SPAG1: variants seen among roughly 807,000 people sequenced by gnomAD.
SPAG1 encodes sperm-associated antigen 1.
A neutral mutation model predicts 100.5 loss-of-function variants in SPAG1; 69 were observed. The ratio of observed to expected loss-of-function variants is 0.69; its 90% CI spans 0.57 to 0.84. The LOEUF is 0.84. Ranked by LOEUF, SPAG1 falls within the 40% of genes least tolerant of loss-of-function variation. The probability of loss-of-function intolerance (pLI) is 0.00; values close to 1 mark genes in which losing one functional copy is unlikely to be tolerated. For missense variants in SPAG1, 955 were observed against 1,133.1 expected, an observed-to-expected ratio of 0.84 and a Z score of 2.26; for synonymous variants, 336 against 411.6, an observed-to-expected ratio of 0.82 and a Z score of 2.22.
At chr8:100,186,932 AC>A (rs1232360143) in intron 7 of SPAG1, among the ~76,000 whole-genome samples, 187 bp from the exon 8 acceptor site, 2 of 152,140 alleles carry the variant, frequency 1.3e-5, no homozygotes, top group Non-Finnish European at 2.9e-5. Flanking sequence ...CTTTTTAAAG[AC>A]CCTATCTCCA....
chr8:100,210,908 ACCTCCACCTC>A (rs1482074333), intron 10 of SPAG1, among the ~76,000 whole-genome samples: 3 of 150,404 alleles, frequency 2.0e-5, no homozygotes, highest in Non-Finnish European at 3.0e-5. Flanking sequence ...GCTCACTGCA[ACCTCCACCTC>A]CCGGGGTCCA....
intron 4 of SPAG1, among the ~76,000 whole-genome samples, chr8:100,181,947 T>C (rs1012811148): frequency 6.6e-6 from 1 of 152,222 alleles, no homozygotes; most frequent in African/African-American, 2.4e-5. Flanking sequence ...AGTTCAAGCA[T>C]CAAATGATAC....
At chr8:100,164,250 A>G (rs1815445419) in intron 2 of SPAG1, among the ~76,000 whole-genome samples, 1 of 152,172 alleles carries the variant, frequency 6.6e-6, no homozygotes, top group African/African-American at 2.4e-5. Flanking sequence ...GCTAGTCTCT[A>G]ATATTGAATT....
chr8:100,187,255 A>G lies in SPAG1; in HGVS notation c.832+5A>G, dbSNP rs763309080. ...TAGAACCTGGAAACGTAAAGGGTAAAAAATATTATAGAATTCTTTTACATT... is the reference window on the plus strand; with the variant it reads ...TAGAACCTGGAAACGTAAAGGGTAAGAAATATTATAGAATTCTTTTACATT... On this transcript the variant is annotated splice_donor_5th_base_variant and intron_variant, in intron 8 of 18. Coordinates refer to ENST00000388798, the MANE Select transcript of SPAG1 (RefSeq NM_003114.5). 1.9e-6 allele frequency: 3 copies of G among 1,599,944 alleles called. No homozygotes were observed. The highest frequency in any genetic ancestry group is 2.6e-6 in the Non-Finnish European group (3 of 1,172,890).
chr8:100,218,784 C>G (rs904719410), intron 12 of SPAG1, among the ~76,000 whole-genome samples: 1 of 152,164 alleles, frequency 6.6e-6, no homozygotes, highest in Non-Finnish European at 1.5e-5. Context: ...CTATGATATG[C>G]CAGAAGGGCT....
intron 2 of SPAG1, 54 bp from the exon 3 acceptor site, chr8:100,165,760 C>T: frequency 6.7e-7 from 1 of 1,489,112 alleles, no homozygotes. Context: ...AACCGCTGGT[C>T]TAGATGATCC....
Position 100,213,868 on chromosome 8 carries a change from A to G in SPAG1, c.1485A>G (p.Ala495=). Residue 495 remains alanine, a synonymous_variant, in exon 12 of 19, where the codon GCA becomes GCG. Coordinates refer to ENST00000388798, the MANE Select transcript of SPAG1 (RefSeq NM_003114.5). ...GTATCTTATATTCAAATAGAGCAGC[A>G]TGTTACCTAAAAGAAGGAAACTGCA... ...DLSILYSNRA[A]CYLKEGNCSG... 1 of 1,606,432 alleles carries G rather than the reference A, an allele frequency of 6.2e-7. No individual in the cohort carries two copies. The highest frequency in any genetic ancestry group is 8.5e-7 in the Non-Finnish European group (1 of 1,174,400).
At position 100,213,092 on chromosome 8, in the gene SPAG1, C is replaced by G; in HGVS notation, c.1099C>G (p.Pro367Ala). 6.8e-7 allele frequency: 1 copy of G among 1,469,738 alleles called. No homozygotes were observed. Among genetic ancestry groups the G allele is most frequent in the South Asian group, 1.3e-5 (1 of 78,354 alleles). 91.0% of individuals were successfully genotyped at this position (1,469,738 alleles called of 1,614,324 possible). A position where few individuals can be genotyped will look rare whatever the true frequency, so the allele number is the denominator to read the frequency against. ...TTCCCGCATCCACTTCCTCACAGAG[C>G]CCGCGGAGCCGGCGGGAGCCGCGCG... Reference protein sequence around the residue: ...KHEDGGGDKKPAEPAGAARAA... With the variant: ...KHEDGGGDKKAAEPAGAARAA... Residue 367 changes from proline (P) to alanine (A), a missense_variant and splice_region_variant, in exon 11 of 19, where the codon CCC becomes GCC. Physicochemically the swap from Pro to Ala is conservative, Grantham distance 27. Coordinates refer to ENST00000388798, the MANE Select transcript of SPAG1 (RefSeq NM_003114.5).
chr8:100,232,645 G>A (rs746198167), intron 15 of SPAG1, among the ~76,000 whole-genome samples: 11 of 152,066 alleles, frequency 7.2e-5, no homozygotes, highest in Non-Finnish European at 1.2e-4. Flanking sequence ...CCTCCTAAAT[G>A]TCTGCAGCAC....
intron 5 of SPAG1, among the ~76,000 whole-genome samples, 155 bp downstream of exon 5, chr8:100,183,591 T>G (rs1487998063): frequency 6.6e-6 from 1 of 152,116 alleles, no homozygotes; most frequent in East Asian, 1.9e-4. Context: ...GCCTCAGCAC[T>G]TTTGATGTTT....
At chr8:100,183,000 GTTTCTCTT>G (rs1816429063) in intron 4 of SPAG1, among the ~76,000 whole-genome samples, 1 of 151,652 alleles carries the variant, frequency 6.6e-6, no homozygotes, top group Non-Finnish European at 1.5e-5. Flanking sequence ...TTTTGAGACA[GTTTCTCTT>G]TGTCACCCAG....
intron 10 of SPAG1, among the ~76,000 whole-genome samples, chr8:100,200,507 T>C (rs1269087982): frequency 6.6e-6 from 1 of 152,240 alleles, no homozygotes; most frequent in Non-Finnish European, 1.5e-5. Context: ...TTCTAGATCC[T>C]TGAGGAATCG....
Position 100,164,991 on chromosome 8 carries a change from C to G in SPAG1, c.141-823C>G, listed in dbSNP as rs894922027. ...GGAGAATCCATTCACCCCAAATGAA[C>G]TACCTGTTTGTGTGTGAGGTAGCAA... On this transcript the variant is annotated intron_variant, in intron 2 of 18. Transcript: ENST00000388798. Among the ~76,000 whole-genome samples the G allele has an allele frequency of 4.6e-5, 7 of 152,206 alleles. No homozygotes were observed. The East Asian group carries it at 1.2e-3, about 25-fold the overall frequency.
intron 6 of SPAG1, among the ~76,000 whole-genome samples, 163 bp from the exon 7 acceptor site, chr8:100,184,465 A>G (rs1220074533): frequency 6.6e-6 from 1 of 152,220 alleles, no homozygotes; most frequent in Non-Finnish European, 1.5e-5. Flanking sequence ...AATGATTTAA[A>G]AAGAAAACAT....
At chr8:100,180,104 G>C (rs1263604836) in intron 4 of SPAG1, among the ~76,000 whole-genome samples, 1 of 152,228 alleles carries the variant, frequency 6.6e-6, no homozygotes, top group South Asian at 2.1e-4. Context: ...GGCCAAGGCG[G>C]GTGGATCACT....
At chr8:100,200,295 C>T (rs1369078264) in intron 10 of SPAG1, among the ~76,000 whole-genome samples, 1 of 152,194 alleles carries the variant, frequency 6.6e-6, no homozygotes. Context: ...TTTATAGCTG[C>T]ATAGTATTCC....
chr8:100,171,784 T>C (rs1478012264), intron 3 of SPAG1, among the ~76,000 whole-genome samples: 3 of 152,280 alleles, frequency 2.0e-5, no homozygotes, highest in Admixed American at 2.0e-4. Context: ...ACCTGTTGTC[T>C]AGTGTCTGAC....
At chr8:100,231,982 T>C (rs1818792673) in intron 15 of SPAG1, among the ~76,000 whole-genome samples, 1 of 146,344 alleles carries the variant, frequency 6.8e-6, no homozygotes, top group Non-Finnish European at 1.5e-5. Flanking sequence ...AAAAATACTG[T>C]CTTAGGGAGA....
intron 4 of SPAG1, among the ~76,000 whole-genome samples, chr8:100,180,805 G>A (rs990929161): frequency 1.3e-5 from 2 of 152,172 alleles, no homozygotes; most frequent in African/African-American, 4.8e-5. Context: ...CCTAGTGCAG[G>A]AGCTTAGTCC....
Sources: gnomAD v4.1 joint callset for allele counts (sites outside exome capture counted in the v4.1 genomes callset) on GRCh38, gnomAD v4.1.1 for gene constraint, MANE v1.5 for transcripts, NCBI Gene and HGNC (gene_info 2026-07-23, HGNC 2026-07-21) for gene names.